Variants in AFF3 observed in about 807,000 individuals in gnomAD.
AFF3 encodes ALF transcription elongation factor 3.
AFF3 carries 32 observed loss-of-function variants against 129.7 expected under a neutral mutation model. The observed-to-expected ratio is 0.25, with a 90% CI of 0.19 to 0.33. The LOEUF (loss-of-function observed/expected upper bound fraction) is 0.33, where lower values mean the gene tolerates loss of function less well. AFF3 is among the 10% of genes least tolerant of loss of function. The probability of loss-of-function intolerance (pLI) is 1.00; values close to 1 mark genes in which losing one functional copy is unlikely to be tolerated. For missense variants in AFF3, 1,373 were observed against 1,592.0 expected, an observed-to-expected ratio of 0.86 and a Z score of 2.34; for synonymous variants, 644 against 635.4, an observed-to-expected ratio of 1.01 and a Z score of -0.20.
chr2:99,753,582 G>C (rs535659652), intron 8 of AFF3, among the ~76,000 whole-genome samples: 1 of 152,274 alleles, frequency 6.6e-6, no homozygotes, highest in East Asian at 1.9e-4. Context: ...GAGCTCTTGG[G>C]AATGGTCGGG....
chr2:99,742,282 T>A (rs578049833), intron 10 of AFF3, among the ~76,000 whole-genome samples: 16 of 152,198 alleles, frequency 1.1e-4, no homozygotes, highest in African/African-American at 3.9e-4. Context: ...AATTCAAGGT[T>A]ATAGTGAGCT....
At chr2:99,722,122 C>T (rs1003015725) in intron 11 of AFF3, among the ~76,000 whole-genome samples, 1 of 152,176 alleles carries the variant, frequency 6.6e-6, no homozygotes, top group Non-Finnish European at 1.5e-5. Context: ...CATTATCCTG[C>T]TGAGATTCTC....
chr2:99,575,870 A>G (rs888892865), intron 18 of AFF3, among the ~76,000 whole-genome samples: 3 of 152,206 alleles, frequency 2.0e-5, no homozygotes, highest in African/African-American at 7.2e-5. Context: ...TGACAAGATT[A>G]TATTAGTTTC....
chr2:99,690,028 A>T (rs772801279), intron 11 of AFF3, among the ~76,000 whole-genome samples: 22 of 148,538 alleles, frequency 1.5e-4, no homozygotes, highest in Admixed American at 2.7e-4. Context: ...TGGAGGTTGC[A>T]GTGAGCCGAG....
chr2:99,885,593 G>A (rs2106042862), intron 7 of AFF3, among the ~76,000 whole-genome samples: 1 of 152,320 alleles, frequency 6.6e-6, no homozygotes, highest in African/African-American at 2.4e-5. Flanking sequence ...CCCAGGAGTT[G>A]CTGATTTCAG....
At chr2:100,022,288 C>T (rs1683653405) in intron 4 of AFF3, among the ~76,000 whole-genome samples, 1 of 152,174 alleles carries the variant, frequency 6.6e-6, no homozygotes, top group Non-Finnish European at 1.5e-5. Context: ...ATGGGGCTGC[C>T]TAAGCATGAT....
intron 8 of AFF3, among the ~76,000 whole-genome samples, chr2:99,753,147 T>C (rs6542890): frequency 0.86 from 130,528 of 152,130 alleles, 56,156 homozygotes; most frequent in South Asian, 0.93. Flanking sequence ...GTTGCTCAGG[T>C]TGGAGTGCAG....
intron 11 of AFF3, among the ~76,000 whole-genome samples, chr2:99,681,937 C>T (rs184449139): frequency 9.4e-5 from 13 of 137,664 alleles, no homozygotes; most frequent in East Asian, 6.5e-4. Flanking sequence ...GACGGAGTCT[C>T]GTTCTGTCAT....
intron 8 of AFF3, among the ~76,000 whole-genome samples, chr2:99,774,507 A>C (rs1683736229): frequency 6.6e-6 from 1 of 152,240 alleles, no homozygotes; most frequent in Non-Finnish European, 1.5e-5. Context: ...TTCCCTATTT[A>C]ATAAATTGTG....
At chr2:100,058,203 C>T (rs1686961328) in intron 4 of AFF3, among the ~76,000 whole-genome samples, 1 of 152,148 alleles carries the variant, frequency 6.6e-6, no homozygotes, top group South Asian at 2.1e-4. Flanking sequence ...TTCTTCTCAA[C>T]AATTTTGCTG....
chr2:99,927,005 C>T (rs1345704181), intron 7 of AFF3, among the ~76,000 whole-genome samples: 3 of 152,160 alleles, frequency 2.0e-5, no homozygotes, highest in Non-Finnish European at 4.4e-5. Context: ...AGCAATCTCA[C>T]ACAGGCTCAG....
chr2:99,579,092 G>A (rs1348128353), intron 17 of AFF3, among the ~76,000 whole-genome samples: 1 of 152,166 alleles, frequency 6.6e-6, no homozygotes, highest in Admixed American at 6.5e-5. Flanking sequence ...GGAGTCAACA[G>A]GAATCACTAG....
chr2:99,713,267 AATT>A (rs143128773), intron 11 of AFF3, among the ~76,000 whole-genome samples: 1,916 of 109,898 alleles, frequency 0.017, 41 homozygotes, highest in African/African-American at 0.066. Context: ...TGCCAGAGTT[AATT>A]TTTTTTTTTT....
At chr2:99,785,298 T>C (rs529516938) in intron 8 of AFF3, among the ~76,000 whole-genome samples, 146 of 152,338 alleles carry the variant, frequency 9.6e-4, no homozygotes, top group African/African-American at 2.5e-3. Flanking sequence ...TGAAAATCTA[T>C]GTTACTACCT....
At chr2:100,031,907 G>A (rs934017377) in intron 4 of AFF3, among the ~76,000 whole-genome samples, 3 of 152,222 alleles carry the variant, frequency 2.0e-5, no homozygotes, top group Admixed American at 2.0e-4. Context: ...GTGAAGCATA[G>A]CGCTGCACTC....
At chr2:99,952,824 T>C (rs1676288681) in intron 7 of AFF3, among the ~76,000 whole-genome samples, 3 of 152,176 alleles carry the variant, frequency 2.0e-5, no homozygotes, top group African/African-American at 4.8e-5. Context: ...AATGTGAGTG[T>C]GGAGGGCAGG....
intron 2 of AFF3, among the ~76,000 whole-genome samples, chr2:100,112,863 C>G (rs1231745193): frequency 6.6e-6 from 1 of 152,166 alleles, no homozygotes. Context: ...AGGGATGGCT[C>G]CCAGTGTTTT....
chr2:99,847,359 A>G (rs2105848845), intron 7 of AFF3, among the ~76,000 whole-genome samples: 1 of 151,846 alleles, frequency 6.6e-6, no homozygotes, highest in Non-Finnish European at 1.5e-5. Context: ...TATTTTCAGG[A>G]GAAACGGGGT....
intron 7 of AFF3, among the ~76,000 whole-genome samples, chr2:99,981,478 A>G (rs1679398033): frequency 6.6e-6 from 1 of 152,232 alleles, no homozygotes; most frequent in Admixed American, 6.5e-5. Flanking sequence ...TTAAACTTCT[A>G]GAAGGATACT....
Sources: gnomAD v4.1 joint callset for allele counts (sites outside exome capture counted in the v4.1 genomes callset) on GRCh38, gnomAD v4.1.1 for gene constraint, MANE v1.5 for transcripts, NCBI Gene and HGNC (gene_info 2026-07-23, HGNC 2026-07-21) for gene names.